PHLPP1: variants seen among roughly 807,000 people sequenced by gnomAD.
The protein encoded by PHLPP1 is PH domain leucine-rich repeat-containing protein phosphatase 1.
PHLPP1 carries 42 observed loss-of-function variants against 117.2 expected under a neutral mutation model. The ratio of observed to expected loss-of-function variants is 0.36; its 90% confidence interval spans 0.28 to 0.46. The LOEUF is 0.46. PHLPP1 is among the 20% of genes least tolerant of loss of function. The pLI, the probability that PHLPP1 is intolerant of heterozygous loss-of-function variation, is 1.00. For synonymous variants in PHLPP1, 1,042 were observed against 970.7 expected, an observed-to-expected ratio of 1.07 and a Z score of -1.37; for missense variants, 2,084 against 2,241.9, an observed-to-expected ratio of 0.93 and a Z score of 1.42.
intron 9 of PHLPP1, among the ~76,000 whole-genome samples, chr18:62,919,742 CTA>C (rs1257493902): frequency 6.6e-5 from 10 of 152,176 alleles, no homozygotes; most frequent in African/African-American, 2.2e-4. Flanking sequence ...TTGTTTTTTG[CTA>C]TGTAGAGCTT....
intron 16 of PHLPP1, among the ~76,000 whole-genome samples, chr18:62,975,902 T>G (rs1196433080): frequency 6.6e-6 from 1 of 152,184 alleles, no homozygotes; most frequent in East Asian, 1.9e-4. Context: ...GCTTTGGTGG[T>G]TGAGGGCTCT....
At chr18:62,903,489 T>C (rs1292106436) in intron 7 of PHLPP1, among the ~76,000 whole-genome samples, 1 of 152,236 alleles carries the variant, frequency 6.6e-6, no homozygotes, top group South Asian at 2.1e-4. Context: ...CTTTACTACC[T>C]TATTACTAAA....
rs774225759 is a variant in PHLPP1, at chr18:62,900,433, C to CTTTTTTTTTTTTTTTTTTTT, written c.2445-2522_2445-2503dup. On this transcript the variant is annotated intron_variant, in intron 6 of 16. Coordinates refer to ENST00000262719, the MANE Select transcript of PHLPP1 (RefSeq NM_194449.4). ...GTATTCTTGTTTTTTCTTTTTCTTT[C>CTTTTTTTTTTTTTTTTTTTT]TTTTTTTTTTTTTTTTTTTTTTTTT... Among the ~76,000 whole-genome samples, 7 of 54,256 alleles carry CTTTTTTTTTTTTTTTTTTTT rather than the reference C, an allele frequency of 1.3e-4. 3 individuals are homozygous for CTTTTTTTTTTTTTTTTTTTT. The highest frequency in any genetic ancestry group is 1.7e-4 in the Non-Finnish European group (5 of 30,068). 35.6% of individuals were successfully genotyped at this position (54,256 alleles called of 152,430 possible). A position where few individuals can be genotyped will look rare whatever the true frequency, so the allele number is the denominator to read the frequency against.
At chr18:62,774,536 G>C (rs1912891769) in intron 1 of PHLPP1, among the ~76,000 whole-genome samples, 1 of 152,188 alleles carries the variant, frequency 6.6e-6, no homozygotes, top group African/African-American at 2.4e-5. Context: ...GCCCTTGACT[G>C]AGCTAATATC....
intron 1 of PHLPP1, among the ~76,000 whole-genome samples, chr18:62,786,901 G>A (rs1473436378): frequency 6.6e-6 from 1 of 152,220 alleles, no homozygotes; most frequent in Non-Finnish European, 1.5e-5. Context: ...TATTTGGTCA[G>A]TTAATTGAAA....
intron 1 of PHLPP1, among the ~76,000 whole-genome samples, chr18:62,776,206 G>C (rs2144273486): frequency 6.6e-6 from 1 of 152,308 alleles, no homozygotes; most frequent in Non-Finnish European, 1.5e-5. Flanking sequence ...TTTGAAGTTT[G>C]TAGGGCTGGC....
intron 3 of PHLPP1, among the ~76,000 whole-genome samples, chr18:62,859,238 G>A (rs541306412): frequency 6.6e-6 from 1 of 152,348 alleles, no homozygotes; most frequent in East Asian, 1.9e-4. Context: ...AAACCAAGAT[G>A]TGTGGAGGTG....
At chr18:62,883,720 CA>C (rs1001164745) in intron 4 of PHLPP1, among the ~76,000 whole-genome samples, 30 of 152,176 alleles carry the variant, frequency 2.0e-4, no homozygotes, top group African/African-American at 7.2e-4. Context: ...CTCTTGAGGA[CA>C]ATTGTGTTTT....
At position 62,838,856 on chromosome 18, in the gene PHLPP1, A is replaced by G. The variant is rs1376922277; in HGVS notation, c.1846A>G (p.Ile616Val). ...TGGACCCCAAAGCCAGACTTACTAC[A>G]TTTGCTTTGATACTTTCACAGAATA... ...SSGPQSQTYY[I>V]CFDTFTEYLR... The change falls in exon 3 of 17, where the codon ATT becomes GTT. Residue 616 changes from isoleucine to valine, a missense_variant. This residue lies in a region of PHLPP1 where 1,365 missense variants were observed against 1,605.9 expected (regional missense o/e 0.85). Coordinates refer to ENST00000262719, the MANE Select transcript of PHLPP1 (RefSeq NM_194449.4). 3 of 1,613,778 alleles carry G rather than the reference A, an allele frequency of 1.9e-6. No individual in the cohort carries two copies. Among genetic ancestry groups the G allele is most frequent in the Non-Finnish European group, 2.5e-6 (3 of 1,179,720 alleles).
chr18:62,879,863 C>T (rs954016490), intron 4 of PHLPP1, among the ~76,000 whole-genome samples: 2 of 152,258 alleles, frequency 1.3e-5, no homozygotes, highest in African/African-American at 2.4e-5. Flanking sequence ...CCATACCATA[C>T]GATTCTTTTT....
At chr18:62,796,043 T>C (rs1013580465) in intron 1 of PHLPP1, among the ~76,000 whole-genome samples, 1 of 152,244 alleles carries the variant, frequency 6.6e-6, no homozygotes, top group Non-Finnish European at 1.5e-5. Flanking sequence ...GAGCTTCCCA[T>C]ACTCTGACCA....
chr18:62,905,957 C>T (rs1194431496), intron 8 of PHLPP1, among the ~76,000 whole-genome samples: 2 of 151,774 alleles, frequency 1.3e-5, no homozygotes, highest in African/African-American at 2.4e-5. Flanking sequence ...ATTTATACCA[C>T]GTAAACTTAA....
At chr18:62,935,619 C>T (rs1909946246) in intron 10 of PHLPP1, among the ~76,000 whole-genome samples, 1 of 152,192 alleles carries the variant, frequency 6.6e-6, no homozygotes, top group Non-Finnish European at 1.5e-5. Flanking sequence ...CCTTACCAGA[C>T]AGCTAAACAT....
intron 1 of PHLPP1, among the ~76,000 whole-genome samples, chr18:62,823,770 A>G (rs1914532014): frequency 6.6e-6 from 1 of 152,136 alleles, no homozygotes; most frequent in African/African-American, 2.4e-5. Context: ...GAAGATGATT[A>G]GTCATTAGGG....
At chr18:62,718,255 G>A (rs1319319213) in intron 1 of PHLPP1, among the ~76,000 whole-genome samples, 1 of 152,174 alleles carries the variant, frequency 6.6e-6, no homozygotes, top group African/African-American at 2.4e-5. Context: ...AGTTCTCATA[G>A]CAAAATTAAA....
At chr18:62,834,818 G>C (rs112584076) in intron 2 of PHLPP1, among the ~76,000 whole-genome samples, 46 of 152,062 alleles carry the variant, frequency 3.0e-4, no homozygotes, top group African/African-American at 9.9e-4. Flanking sequence ...AAGTTTCCTC[G>C]TGTCCCTTTG....
chr18:62,952,113 C>T (rs2658591), intron 12 of PHLPP1, among the ~76,000 whole-genome samples: 61,655 of 151,578 alleles, frequency 0.41, 12,755 homozygotes, highest in East Asian at 0.63. Context: ...CCACCGCGCC[C>T]GGCCATAATC....
intron 16 of PHLPP1, among the ~76,000 whole-genome samples, chr18:62,976,022 C>T (rs1280024120): frequency 6.6e-6 from 1 of 152,236 alleles, no homozygotes; most frequent in African/African-American, 2.4e-5. Flanking sequence ...TGGGAATAAT[C>T]ATGCATCTGT....
At chr18:62,792,423 CT>C (rs1913488401) in intron 1 of PHLPP1, among the ~76,000 whole-genome samples, 1 of 152,182 alleles carries the variant, frequency 6.6e-6, no homozygotes, top group Non-Finnish European at 1.5e-5. Context: ...GCTTCACTTT[CT>C]TCTGGTGGGA....
Sources: allele counts gnomAD v4.1 joint callset (sites outside exome capture counted in the v4.1 genomes callset), GRCh38; gene constraint gnomAD v4.1.1; regional missense constraint gnomAD v4.1.1; transcripts MANE v1.5; gene names NCBI Gene and HGNC (gene_info 2026-07-23, HGNC 2026-07-21).